UTRN: variants seen among roughly 807,000 people sequenced by gnomAD.
UTRN encodes the protein utrophin.
A neutral mutation model predicts 463.9 loss-of-function variants in UTRN; 283 were observed. The ratio of observed to expected loss-of-function variants is 0.61; its 90% CI spans 0.55 to 0.67. The LOEUF is 0.67. Ranked by LOEUF, UTRN falls within the 30% of genes least tolerant of loss-of-function variation. The pLI is 0.00. For missense variants in UTRN, 3,922 were observed against 4,084.3 expected, an observed-to-expected ratio of 0.96 and a Z score of 1.08; for synonymous variants, 1,442 against 1,431.5, an observed-to-expected ratio of 1.01 and a Z score of -0.17.
chr6:144,756,392 T>C (rs1262774131), intron 57 of UTRN, among the ~76,000 whole-genome samples: 1 of 152,186 alleles, frequency 6.6e-6, no homozygotes, highest in Non-Finnish European at 1.5e-5. Flanking sequence ...TACACATTTT[T>C]GTAAAAGTCA....
At chr6:144,568,624 C>G (rs1800647623) in intron 50 of UTRN, among the ~76,000 whole-genome samples, 1 of 152,158 alleles carries the variant, frequency 6.6e-6, no homozygotes, top group South Asian at 2.1e-4. Context: ...GATCGGCACA[C>G]TACTCATCTA....
At chr6:144,414,756 C>G (rs1178177179) in intron 3 of UTRN, among the ~76,000 whole-genome samples, 1 of 148,544 alleles carries the variant, frequency 6.7e-6, no homozygotes, top group Non-Finnish European at 1.5e-5. Context: ...CTCTCTGTTG[C>G]CCAGGCTGGA....
chr6:144,693,211 G>A (rs1303403005), intron 52 of UTRN, among the ~76,000 whole-genome samples: 1 of 152,100 alleles, frequency 6.6e-6, no homozygotes, highest in Non-Finnish European at 1.5e-5. Flanking sequence ...TAGCCATACA[G>A]CCTTATTTCT....
At chr6:144,841,031 C>T (rs139160934) in intron 73 of UTRN, among the ~76,000 whole-genome samples, 199 bp downstream of exon 73, 10 of 152,272 alleles carry the variant, frequency 6.6e-5, no homozygotes, top group Admixed American at 1.3e-4. Context: ...GGGGTACAGT[C>T]GCAACGCAAT....
intron 51 of UTRN, among the ~76,000 whole-genome samples, chr6:144,617,161 A>G (rs1335936079): frequency 6.6e-6 from 1 of 152,192 alleles, no homozygotes; most frequent in Non-Finnish European, 1.5e-5. Flanking sequence ...TCTGTCTTCC[A>G]TCTGTCTGCA....
At chr6:144,554,958 A>C (rs1799249951) in intron 49 of UTRN, 65 bp downstream of exon 49, 1 of 1,537,844 alleles carries the variant, frequency 6.5e-7, no homozygotes, top group Non-Finnish European at 8.9e-7. Flanking sequence ...TCTATTGTTC[A>C]CTGTAATTCT....
Position 144,590,882 on chromosome 6 carries a change from G to GCA in UTRN, c.7479+13611_7479+13612dup, listed in dbSNP as rs10612567. 5.5e-4 allele frequency among the ~76,000 whole-genome samples: 81 copies of GCA among 147,158 alleles called. No homozygotes were observed. The Middle Eastern group carries it at 0.01, about 19-fold the overall frequency. ...CACACACACACACACACACGCACAT[G>GCA]CACACACACACACACACATAAGGTT... On this transcript the variant is annotated intron_variant, in intron 51 of 74. Transcript: ENST00000367545.
chr6:144,700,073 T>C lies in UTRN; in HGVS notation c.7653-14T>C, dbSNP rs760120488. On this transcript the variant is annotated splice_polypyrimidine_tract_variant and intron_variant, in intron 52 of 74. Transcript: ENST00000367545. The stretch of plus-strand genomic sequence containing the variant: ...CTAAATGTGGTTATTATTATTATTA[T>C]TATCTCTCAACAGGGCCCATTTGGA... 6.4e-7 allele frequency: 1 copy of C among 1,563,930 alleles called. No individual in the cohort carries two copies. Among genetic ancestry groups the C allele is most frequent in the South Asian group, 1.2e-5 (1 of 81,272 alleles).
intron 2 of UTRN, chr6:144,312,129 T>C (rs890403109): frequency 2.0e-5 from 3 of 152,176 alleles, no homozygotes; most frequent in Admixed American, 2.0e-4. Flanking sequence ...AATTAACATA[T>C]ATAAAGCAAT....
At chr6:144,802,011 G>A (rs1777743094) in intron 64 of UTRN, among the ~76,000 whole-genome samples, 2 of 152,142 alleles carry the variant, frequency 1.3e-5, no homozygotes, top group African/African-American at 4.8e-5. Context: ...GAGAGGCTAA[G>A]AAACAGTAAT....
At chr6:144,372,541 C>T (rs1780090347) in intron 2 of UTRN, among the ~76,000 whole-genome samples, 2 of 152,042 alleles carry the variant, frequency 1.3e-5, no homozygotes, top group South Asian at 4.2e-4. Context: ...GTCACCCAGA[C>T]TGGAGTGCAG....
intron 60 of UTRN, among the ~76,000 whole-genome samples, chr6:144,781,018 C>A (rs1775779541): frequency 6.6e-6 from 1 of 152,204 alleles, no homozygotes; most frequent in African/African-American, 2.4e-5. Context: ...GCGTATTCCT[C>A]TCATAGGGCA....
chr6:144,315,352 C>G (rs546540673), intron 2 of UTRN, among the ~76,000 whole-genome samples: 1 of 152,120 alleles, frequency 6.6e-6, no homozygotes. Context: ...GGGCACTGTT[C>G]CAGGACCCAG....
chr6:144,703,088 A>G (rs1000505410), intron 53 of UTRN, among the ~76,000 whole-genome samples: 1 of 152,324 alleles, frequency 6.6e-6, no homozygotes, highest in African/African-American at 2.4e-5. Flanking sequence ...AGCAGGAGAG[A>G]TGATGAAGAG....
chr6:144,317,550 C>G (rs1775361461), intron 2 of UTRN, among the ~76,000 whole-genome samples: 1 of 152,118 alleles, frequency 6.6e-6, no homozygotes, highest in Non-Finnish European at 1.5e-5. Flanking sequence ...GCACCCACCA[C>G]CATGCCTAGC....
At chr6:144,418,915 G>C (rs1472282922) in intron 3 of UTRN, among the ~76,000 whole-genome samples, 1 of 152,108 alleles carries the variant, frequency 6.6e-6, no homozygotes, top group Non-Finnish European at 1.5e-5. Flanking sequence ...GTTTCAGGCT[G>C]CCCAGGTGTT....
rs1784866210 is a variant in UTRN, at chr6:144,421,893, A to G, written c.157A>G (p.Ile53Val). ...TCTTTTACAGAGTGGGAAACCACCC[A>G]TCAATGATATGTTCACAGACCTCAA... is the stretch of plus-strand genomic sequence containing the variant. ...ARFSKSGKPP[I>V]NDMFTDLKDG... Residue 53 changes from isoleucine (I) to valine (V), a missense_variant, in exon 4 of 75, where the codon ATC (isoleucine) becomes GTC (valine). Physicochemically the swap from Ile to Val is conservative, Grantham distance 29. This residue lies in a region of UTRN where 264 missense variants were observed against 327.9 expected (regional missense o/e 0.81). Transcript: ENST00000367545. 1.2e-6 allele frequency: 2 copies of G among 1,612,196 alleles called. No homozygotes were observed. The highest frequency in any genetic ancestry group is 1.7e-6 in the Non-Finnish European group (2 of 1,179,250).
At chr6:144,650,452 A>G (rs747901231) in intron 51 of UTRN, among the ~76,000 whole-genome samples, 2 of 152,240 alleles carry the variant, frequency 1.3e-5, no homozygotes, top group Non-Finnish European at 2.9e-5. Context: ...GATGATATGT[A>G]TGAGATAATT....
chr6:144,701,606 T>C (rs930146567), intron 53 of UTRN, among the ~76,000 whole-genome samples: 2 of 152,296 alleles, frequency 1.3e-5, no homozygotes, highest in East Asian at 1.9e-4. Context: ...ATACATATCA[T>C]CTTATTTTAT....
Sources: allele counts gnomAD v4.1 joint callset (sites outside exome capture counted in the v4.1 genomes callset), GRCh38; gene constraint gnomAD v4.1.1; regional missense constraint gnomAD v4.1.1; transcripts MANE v1.5; gene names NCBI Gene and HGNC (gene_info 2026-07-23, HGNC 2026-07-21).